The following FAM185A variants were observed in gnomAD, a reference collection of about 807,000 sequenced individuals.
FAM185A encodes the protein family with sequence similarity 185 member A.
Under a neutral mutation model 45.7 loss-of-function variants are expected in FAM185A, and 21 were observed. The observed-to-expected ratio is 0.46, with a 90% CI of 0.33 to 0.66. FAM185A has a LOEUF of 0.66. Ranked by LOEUF, FAM185A falls within the 30% of genes least tolerant of loss-of-function variation. The pLI is 0.03. For missense variants in FAM185A, 305 were observed against 485.4 expected (o/e 0.63, Z 3.49); for synonymous variants, 117 against 194.0 (o/e 0.60, Z 3.30).
chr7:102,765,711 T>C (rs2129435002), intron 4 of FAM185A, among the ~76,000 whole-genome samples: 1 of 152,290 alleles, frequency 6.6e-6, no homozygotes, highest in East Asian at 1.9e-4. Flanking sequence ...AGTAAGCTAA[T>C]TGACTAGTCA....
the FAM185A span, among the ~76,000 whole-genome samples, chr7:102,843,195 A>G: frequency 6.6e-6 from 1 of 152,250 alleles, no homozygotes; most frequent in Non-Finnish European, 1.5e-5. Context: ...TGTAACCCCA[A>G]CACTTTGGGA....
rs552192405 is a variant in FAM185A at position 102,749,183 on chromosome 7, T to C, written c.-25T>C. 343 of 1,551,206 alleles carry C rather than the reference T, an allele frequency of 2.2e-4. 2 individuals carry two copies. The African/African-American group carries it at 3.9e-3, about 18-fold the overall frequency. On this transcript the variant is annotated 5_prime_UTR_variant, in exon 1 of 8. The change abolishes the stop of an existing upstream ORF in the 5' untranslated region. Coordinates refer to ENST00000413034, the MANE Select transcript of FAM185A (RefSeq NM_001145268.2). The stretch of plus-strand genomic sequence containing the variant: ...GACCCTCCCTGTGGCTGAAGTGTTC[T>C]GAGGACTGGCGAGAGAGGCGCGCCA...
chr7:102,814,814 AT>A, the FAM185A span, among the ~76,000 whole-genome samples: 1 of 152,168 alleles, frequency 6.6e-6, no homozygotes, highest in Non-Finnish European at 1.5e-5. Flanking sequence ...CATTCTGTTA[AT>A]TTTTTAAATC....
At chr7:102,825,567 C>T in the FAM185A span, among the ~76,000 whole-genome samples, 2 of 152,228 alleles carry the variant, frequency 1.3e-5, no homozygotes, top group Admixed American at 6.5e-5. Context: ...CAACAGAAAA[C>T]GGACTAAGAC....
chr7:102,840,505 T>C, the FAM185A span, among the ~76,000 whole-genome samples: 1 of 152,226 alleles, frequency 6.6e-6, no homozygotes, highest in Non-Finnish European at 1.5e-5. Flanking sequence ...TGGGTGTCTA[T>C]TTGCACAGCC....
At chr7:102,829,934 T>C in the FAM185A span, among the ~76,000 whole-genome samples, 1 of 152,070 alleles carries the variant, frequency 6.6e-6, no homozygotes, top group Admixed American at 6.6e-5. Context: ...CAGATGATGG[T>C]CCCCACATCT....
intron 6 of FAM185A, among the ~76,000 whole-genome samples, chr7:102,778,490 C>G (rs1234675925): frequency 6.6e-6 from 1 of 152,312 alleles, no homozygotes; most frequent in East Asian, 1.9e-4. Context: ...GAATAAGCAG[C>G]TGTTACATAC....
At chr7:102,792,097 G>A (rs1259710434) in intron 7 of FAM185A, among the ~76,000 whole-genome samples, 1 of 131,716 alleles carries the variant, frequency 7.6e-6, no homozygotes, top group African/African-American at 3.4e-5. Context: ...ATGACTTCTG[G>A]ATAATCTCTG....
the FAM185A span, among the ~76,000 whole-genome samples, chr7:102,825,063 G>A: frequency 1.3e-5 from 2 of 152,050 alleles, no homozygotes; most frequent in African/African-American, 2.4e-5. Context: ...GGTCATTTCC[G>A]TTGTTTTCAA....
At chr7:102,822,006 C>T in the FAM185A span, 10,432 of 1,608,114 alleles carry the variant, frequency 6.5e-3, 55 homozygotes, top group Middle Eastern at 0.022. Context: ...GAAAGTAGTT[C>T]TCAAAAGTTT....
the FAM185A span, among the ~76,000 whole-genome samples, chr7:102,821,368 A>G: frequency 6.6e-6 from 1 of 151,878 alleles, no homozygotes; most frequent in African/African-American, 2.4e-5. Context: ...TCTTTTTTCC[A>G]TTTCATTTTA....
At chr7:102,786,684 C>G (rs953510082) in intron 6 of FAM185A, among the ~76,000 whole-genome samples, 1 of 152,016 alleles carries the variant, frequency 6.6e-6, no homozygotes, top group African/African-American at 2.4e-5. Context: ...GTTGTGGGGT[C>G]AGGGCAGTGG....
the FAM185A span, among the ~76,000 whole-genome samples, chr7:102,820,629 G>T: frequency 8.5e-5 from 13 of 152,152 alleles, no homozygotes; most frequent in African/African-American, 3.1e-4. Flanking sequence ...TGCCATAACA[G>T]ACTACTACAG....
At chr7:102,846,863 T>C in the FAM185A span, among the ~76,000 whole-genome samples, 1 of 152,202 alleles carries the variant, frequency 6.6e-6, no homozygotes, top group Non-Finnish European at 1.5e-5. Flanking sequence ...CATTTGCTTA[T>C]GACAGCCACA....
chr7:102,770,885 C>G (rs1794705027), intron 4 of FAM185A, among the ~76,000 whole-genome samples: 1 of 152,178 alleles, frequency 6.6e-6, no homozygotes, highest in Admixed American at 6.5e-5. Flanking sequence ...ATAAATCATT[C>G]TTCCAAAAAG....
the FAM185A span, among the ~76,000 whole-genome samples, chr7:102,846,920 G>A: frequency 6.6e-6 from 1 of 152,002 alleles, no homozygotes; most frequent in Non-Finnish European, 1.5e-5. Context: ...CAGCTAACCT[G>A]TAGTTCTTCT....
the FAM185A span, among the ~76,000 whole-genome samples, chr7:102,837,269 G>A: frequency 6.6e-6 from 1 of 152,288 alleles, no homozygotes; most frequent in Non-Finnish European, 1.5e-5. Context: ...TGCCACTCTT[G>A]CATTCCCACC....
At chr7:102,771,103 C>T (rs1794716676) in intron 4 of FAM185A, among the ~76,000 whole-genome samples, 1 of 152,046 alleles carries the variant, frequency 6.6e-6, no homozygotes, top group African/African-American at 2.4e-5. Flanking sequence ...CGAATTAACA[C>T]AGGAATAGAA....
At chr7:102,751,952 A>G (rs1793389396) in intron 2 of FAM185A, among the ~76,000 whole-genome samples, 151 bp downstream of exon 2, 1 of 150,730 alleles carries the variant, frequency 6.6e-6, no homozygotes, top group African/African-American at 2.4e-5. Flanking sequence ...TTTTGCCTTG[A>G]AATCAGTTCT....
Sources: allele counts gnomAD v4.1 joint callset (sites outside exome capture counted in the v4.1 genomes callset), GRCh38; gene constraint gnomAD v4.1.1; transcripts MANE v1.5; gene names NCBI Gene and HGNC (gene_info 2026-07-23, HGNC 2026-07-21).